Variants in SV2C observed in about 807,000 individuals in gnomAD.
SV2C encodes solute carrier family 22 member B3.
A neutral mutation model predicts 79.7 loss-of-function variants in SV2C; 49 were observed. The observed-to-expected ratio is 0.61, with a 90% CI of 0.49 to 0.78. The LOEUF (loss-of-function observed/expected upper bound fraction) is 0.78. Ranked by LOEUF, SV2C falls within the 30% of genes least tolerant of loss-of-function variation. The pLI is 0.00. For synonymous variants in SV2C, 334 were observed against 333.2 expected (o/e 1.00, Z -0.03); for missense variants, 833 against 912.9 (o/e 0.91, Z 1.13).
At chr5:76,304,843 C>T (rs1029852449) in intron 12 of SV2C, among the ~76,000 whole-genome samples, 1 of 152,134 alleles carries the variant, frequency 6.6e-6, no homozygotes, top group Non-Finnish European at 1.5e-5. Context: ...TCTCTTAATA[C>T]TGGGATTTGT....
At chr5:76,317,021 G>T (rs1410457997) in intron 12 of SV2C, among the ~76,000 whole-genome samples, 1 of 151,278 alleles carries the variant, frequency 6.6e-6, no homozygotes, top group African/African-American at 2.4e-5. Context: ...GATATTTAAT[G>T]AATGATTATA....
chr5:76,317,997 C>A (rs548421912), intron 12 of SV2C, among the ~76,000 whole-genome samples: 2 of 151,720 alleles, frequency 1.3e-5, no homozygotes, highest in African/African-American at 4.8e-5. Flanking sequence ...CTAGGAGCCT[C>A]AAAAAAAACC....
chr5:76,141,249 T>G (rs1293643641), intron 2 of SV2C, among the ~76,000 whole-genome samples: 1 of 152,194 alleles, frequency 6.6e-6, no homozygotes, highest in African/African-American at 2.4e-5. Context: ...CGGTGAGAAT[T>G]TGATAGGAAA....
intron 1 of SV2C, among the ~76,000 whole-genome samples, chr5:76,110,158 T>C (rs1287934040): frequency 6.6e-6 from 1 of 152,168 alleles, no homozygotes; most frequent in Non-Finnish European, 1.5e-5. Flanking sequence ...TTTTGAAATC[T>C]TTAGGAAAGG....
rs1747551512 is a variant in SV2C at position 76,291,267 on chromosome 5, T to C, written c.1184T>C (p.Ile395Thr). 5 of 1,613,212 alleles carry C rather than the reference T, an allele frequency of 3.1e-6. No homozygotes were observed. Among genetic ancestry groups the C allele is most frequent in the Non-Finnish European group, 4.2e-6 (5 of 1,179,636 alleles). The change falls in exon 7 of 13, where the codon ATT (isoleucine) becomes ACT (threonine). Residue 395 changes from isoleucine to threonine, a missense_variant. Ile to Thr is a moderately conservative substitution (Grantham distance 89, BLOSUM62 -1). Transcript: ENST00000502798. Reference protein sequence around the residue: ...TPKQIDELIEIESDTGTWYRR... With the variant: ...TPKQIDELIETESDTGTWYRR... ...AAACAAATAGATGAGCTGATTGAAA[T>C]TGAGAGTGACACAGGAACATGGTAT...
intron 2 of SV2C, among the ~76,000 whole-genome samples, chr5:76,166,955 G>T (rs1009315659): frequency 1.3e-5 from 2 of 152,182 alleles, no homozygotes; most frequent in African/African-American, 4.8e-5. Flanking sequence ...CTTGACATGG[G>T]TAGAGAAGAA....
intron 4 of SV2C, among the ~76,000 whole-genome samples, chr5:76,270,775 AT>A (rs545021315): frequency 0.035 from 5,069 of 146,604 alleles, 267 homozygotes; most frequent in African/African-American, 0.11. Flanking sequence ...TATTTTTATT[AT>A]TTTTTTTTTT....
the SV2C span, among the ~76,000 whole-genome samples, chr5:76,035,042 G>A: frequency 6.6e-6 from 1 of 152,136 alleles, no homozygotes; most frequent in Non-Finnish European, 1.5e-5. Flanking sequence ...GCGTAGAGGT[G>A]TTTGTAGTAT....
the SV2C span, among the ~76,000 whole-genome samples, chr5:76,003,421 G>A: frequency 6.6e-6 from 1 of 152,142 alleles, no homozygotes; most frequent in East Asian, 1.9e-4. Flanking sequence ...GATCCTTCAT[G>A]GGCTATTATT....
At chr5:75,987,297 T>A in the SV2C span, among the ~76,000 whole-genome samples, 2 of 151,984 alleles carry the variant, frequency 1.3e-5, no homozygotes, top group African/African-American at 4.8e-5. Context: ...CTGTGTCACA[T>A]AGTATTGGCT....
At chr5:76,198,965 G>C (rs1242113763) in intron 3 of SV2C, among the ~76,000 whole-genome samples, 3 of 152,178 alleles carry the variant, frequency 2.0e-5, no homozygotes, top group Non-Finnish European at 2.9e-5. Context: ...ATTAGAGCCT[G>C]AAAAGAGGGC....
the SV2C span, among the ~76,000 whole-genome samples, chr5:75,940,496 G>A: frequency 6.6e-6 from 1 of 152,114 alleles, no homozygotes; most frequent in African/African-American, 2.4e-5. Context: ...GAATAAAATT[G>A]TTTCCCACTG....
At position 76,315,192 on chromosome 5, in the gene SV2C, A is replaced by G. The variant is rs143179242; in HGVS notation, c.2001-10172A>G. ...CATTAAGGAACATGGCCAGGCGCAC[A>G]CACACACACACACACACACACACAC... On this transcript the variant is annotated intron_variant, in intron 12 of 12. Coordinates refer to ENST00000502798, the MANE Select transcript of SV2C (RefSeq NM_014979.4). 6.0e-3 allele frequency among the ~76,000 whole-genome samples: 850 copies of G among 140,644 alleles called. 7 individuals are homozygous for G. The highest frequency in any genetic ancestry group is 9.2e-3 in the Non-Finnish European group (615 of 66,590). 92.3% of individuals were successfully genotyped at this position (140,644 alleles called of 152,430 possible). A position where few individuals can be genotyped will look rare whatever the true frequency, so the allele number is the denominator to read the frequency against.
the SV2C span, among the ~76,000 whole-genome samples, chr5:76,010,963 C>T: frequency 6.6e-6 from 1 of 152,098 alleles, no homozygotes; most frequent in African/African-American, 2.4e-5. Context: ...GTAGAGAAAC[C>T]CATTGCTAGC....
the SV2C span, among the ~76,000 whole-genome samples, chr5:76,035,966 C>G: frequency 6.6e-6 from 1 of 152,104 alleles, no homozygotes; most frequent in East Asian, 1.9e-4. Flanking sequence ...ATAGTTAGCT[C>G]TTCTTGTTGA....
At chr5:76,295,398 C>T (rs776579497) in intron 8 of SV2C, among the ~76,000 whole-genome samples, 1 of 152,134 alleles carries the variant, frequency 6.6e-6, no homozygotes, top group Non-Finnish European at 1.5e-5. Context: ...ACTTAATCAC[C>T]TCCTAAAGCC....
chr5:76,291,687 T>C, intron 7 of SV2C, 81 bp from the exon 8 acceptor site: 1 of 951,118 alleles, frequency 1.1e-6, no homozygotes, highest in East Asian at 2.6e-5. Context: ...CTCAGCATTT[T>C]TTATAATTTG....
the SV2C span, among the ~76,000 whole-genome samples, chr5:75,929,205 C>T: frequency 6.6e-6 from 1 of 152,038 alleles, no homozygotes; most frequent in Non-Finnish European, 1.5e-5. Flanking sequence ...GACTGTCACT[C>T]TGTCCTCTCA....
chr5:76,290,900 T>TCTGG (rs1389185053), intron 6 of SV2C, among the ~76,000 whole-genome samples: 1 of 152,242 alleles, frequency 6.6e-6, no homozygotes, highest in Non-Finnish European at 1.5e-5. Flanking sequence ...ATCTAACTTA[T>TCTGG]CTGGATGTTT....
Sources: allele counts gnomAD v4.1 joint callset (sites outside exome capture counted in the v4.1 genomes callset), GRCh38; gene constraint gnomAD v4.1.1; transcripts MANE v1.5; gene names NCBI Gene and HGNC (gene_info 2026-07-23, HGNC 2026-07-21).